SEMA4D: variants seen among roughly 807,000 people sequenced by gnomAD.
SEMA4D encodes semaphorin-4D.
A neutral mutation model predicts 74.8 loss-of-function variants in SEMA4D; 22 were observed. The observed-to-expected ratio is 0.29, with a 90% CI of 0.21 to 0.42. The LOEUF (loss-of-function observed/expected upper bound fraction) is 0.42, where lower values mean the gene tolerates loss of function less well. Ranked by LOEUF, SEMA4D falls within the 10% of genes least tolerant of loss-of-function variation. The pLI is 1.00. For missense variants in SEMA4D, 937 were observed against 1,118.4 expected (o/e 0.84, Z 2.31); for synonymous variants, 445 against 463.7 (o/e 0.96, Z 0.52).
chr9:89,386,558 T>C, intron 12 of SEMA4D, 76 bp from the exon 13 acceptor site: 1 of 816,812 alleles, frequency 1.2e-6, no homozygotes. Flanking sequence ...AGCGGCAAAC[T>C]TCACACTCTT....
Position 89,381,411 on chromosome 9 carries a change from C to T in SEMA4D, c.1447-65G>A, listed in dbSNP as rs1170412968. On this transcript the variant is annotated intron_variant, in intron 13 of 15. Transcript: ENST00000422704. The surrounding 1 kb of genome is among the most constrained non-coding windows in gnomAD (Gnocchi z 4.6). Reference sequence around the variant, plus strand: ...CAGGCATCCAGGAGCATGGCCTCTGCTTCTGCACCAGTGTGTGGGAAGCAG... The same window carrying T: ...CAGGCATCCAGGAGCATGGCCTCTGTTTCTGCACCAGTGTGTGGGAAGCAG... 2.1e-5 allele frequency: 30 copies of T among 1,404,458 alleles called. No individual in the cohort carries two copies. The Middle Eastern group carries it at 1.6e-3, about 73-fold the overall frequency. The allele number at this position is 1,404,458 out of a possible 1,614,324, so 87.0% of individuals were successfully genotyped here.
chr9:89,404,134 A>G (rs1842773454), intron 3 of SEMA4D, among the ~76,000 whole-genome samples: 1 of 152,270 alleles, frequency 6.6e-6, no homozygotes, highest in East Asian at 1.9e-4. Context: ...CCGGGTCCCC[A>G]GACACATCCT....
chr9:89,396,836 C>A lies in SEMA4D; in HGVS notation c.316-1G>T. ...CCCGGATGTAGTTGAGGCACTCTGT[C>A]TGCAGGGAAGAGAAATGCACCATTA... On this transcript the variant is annotated splice_acceptor_variant, in intron 5 of 15. Transcript: ENST00000422704. LOFTEE classifies it high-confidence loss of function. 6.2e-7 allele frequency: 1 copy of A among 1,612,734 alleles called. No individual in the cohort carries two copies. The highest frequency in any genetic ancestry group is 8.5e-7 in the Non-Finnish European group (1 of 1,179,280).
Position 89,379,216 on chromosome 9 carries a change from CGGA to C in SEMA4D, c.2074_2076del (p.Ser692del). On this transcript the variant is annotated inframe_deletion, in exon 16 of 16. Coordinates refer to ENST00000422704, the MANE Select transcript of SEMA4D (RefSeq NM_001371194.2). ...GGCTTGGGAGGAAGGGTGATGGCCC[CGGA>C]GGAGGTGGCCTGCACGGCTGGGGTT... 6.2e-7 allele frequency: 1 copy of C among 1,613,902 alleles called. No individual in the cohort carries two copies. Among genetic ancestry groups the C allele is most frequent in the Non-Finnish European group, 8.5e-7 (1 of 1,179,904 alleles).
intron 6 of SEMA4D, among the ~76,000 whole-genome samples, chr9:89,396,434 C>T (rs1245602169): frequency 3.9e-5 from 6 of 152,206 alleles, no homozygotes; most frequent in East Asian, 1.9e-4. Flanking sequence ...CTTTCCAGCA[C>T]GCCCCTCCAT....
At position 89,449,670 on chromosome 9, in the gene SEMA4D, G is replaced by A. The variant is rs567521303; in HGVS notation, c.-244+6218C>T. On this transcript the variant is annotated intron_variant, in intron 2 of 15. Coordinates refer to ENST00000422704, the MANE Select transcript of SEMA4D (RefSeq NM_001371194.2). ...TGGGGTACTTCGGTCCTTGGTGGAC[G>A]CATCTAGCTCAGGTGTGTCAGTACT... 1.6e-5 allele frequency: 24 copies of A among 1,502,256 alleles called. No homozygotes were observed. In the African/African-American group the frequency reaches 2.3e-4, roughly 15 times the overall value. The allele number at this position is 1,502,256 out of a possible 1,614,324, so 93.1% of individuals were successfully genotyped here. A position where few individuals can be genotyped will look rare whatever the true frequency, so the allele number is the denominator to read the frequency against.
At chr9:89,374,595 C>A (rs968726699), downstream of SEMA4D, among the ~76,000 whole-genome samples, 1 of 152,196 alleles carries the variant, frequency 6.6e-6, no homozygotes, top group African/African-American at 2.4e-5. Flanking sequence ...TAACCAATTC[C>A]CTGTGTTAAA....
intron 2 of SEMA4D, among the ~76,000 whole-genome samples, chr9:89,433,637 G>A (rs73486168): frequency 0.014 from 2,119 of 152,298 alleles, 36 homozygotes; most frequent in African/African-American, 0.047. Flanking sequence ...GCATGTAGCC[G>A]AGCATGGGCT....
At chr9:89,446,556 C>T (rs953709075) in intron 2 of SEMA4D, among the ~76,000 whole-genome samples, 7 of 152,230 alleles carry the variant, frequency 4.6e-5, no homozygotes, top group Non-Finnish European at 7.3e-5. Flanking sequence ...ATAAGCACCA[C>T]GGGGCCTCTC....
intron 1 of SEMA4D, among the ~76,000 whole-genome samples, chr9:89,491,547 C>T (rs974284144): frequency 2.6e-5 from 4 of 151,844 alleles, no homozygotes; most frequent in Admixed American, 6.6e-5. Flanking sequence ...GCCAGCCTGG[C>T]GACAGAGCAA....
At chr9:89,416,383 A>C (rs1319811338) in intron 2 of SEMA4D, among the ~76,000 whole-genome samples, 1 of 152,216 alleles carries the variant, frequency 6.6e-6, no homozygotes, top group Non-Finnish European at 1.5e-5. Flanking sequence ...AAGGAAGACA[A>C]CACCATTACA....
chr9:89,461,100 G>C (rs551401574), intron 1 of SEMA4D, among the ~76,000 whole-genome samples: 1 of 151,962 alleles, frequency 6.6e-6, no homozygotes, highest in African/African-American at 2.4e-5. Flanking sequence ...CTGAACACAC[G>C]AAAGAAAATG....
At chr9:89,383,958 C>T (rs573810421) in intron 13 of SEMA4D, among the ~76,000 whole-genome samples, 13 of 152,178 alleles carry the variant, frequency 8.5e-5, no homozygotes, top group East Asian at 3.9e-4. Context: ...GCTGTGTGTG[C>T]GCGTCAGACC....
intron 1 of SEMA4D, among the ~76,000 whole-genome samples, chr9:89,458,023 A>T (rs532784257): frequency 5.1e-4 from 77 of 152,332 alleles, no homozygotes; most frequent in African/African-American, 1.8e-3. Flanking sequence ...ATAGAGCGAG[A>T]CTGGGTCTCA....
intron 1 of SEMA4D, among the ~76,000 whole-genome samples, chr9:89,474,968 G>A (rs1157936093): frequency 1.3e-5 from 2 of 152,256 alleles, no homozygotes; most frequent in African/African-American, 4.8e-5. Context: ...AGAACCTGAG[G>A]AGGGTGCCTG....
intron 3 of SEMA4D, among the ~76,000 whole-genome samples, chr9:89,403,572 C>G (rs1023344924): frequency 1.1e-4 from 17 of 152,218 alleles, no homozygotes; most frequent in African/African-American, 3.9e-4. Flanking sequence ...GACAGAGAAA[C>G]AAGTGACGTC....
rs749167980 is a variant in SEMA4D at position 89,387,496 on chromosome 9, A to G, written c.1220T>C (p.Ile407Thr). 2.5e-6 allele frequency: 4 copies of G among 1,614,142 alleles called. No homozygotes were observed. In the Admixed American group the frequency reaches 5.0e-5, roughly 20 times the overall value. ...CTTGATTAACCTGGGCCTGTTGTCTATTGGGGTTACCGAGTCATCCATCAA... is the reference window on the plus strand; with the variant it reads ...CTTGATTAACCTGGGCCTGTTGTCTGTTGGGGTTACCGAGTCATCCATCAA... The part of the protein sequence containing the change: ...HPLMDDSVTP[I>T]DNRPRLIKKD... Residue 407 changes from isoleucine (I) to threonine (T), a missense_variant, in exon 12 of 16, where the codon ATA becomes ACA. Transcript: ENST00000422704.
chr9:89,414,118 C>T (rs1845162219), intron 2 of SEMA4D, among the ~76,000 whole-genome samples: 1 of 152,216 alleles, frequency 6.6e-6, no homozygotes, highest in African/African-American at 2.4e-5. Context: ...ACAGAGGGGA[C>T]ACCAGTCACT....
intron 1 of SEMA4D, among the ~76,000 whole-genome samples, chr9:89,466,598 G>T (rs1564895203): frequency 6.6e-6 from 1 of 151,692 alleles, no homozygotes; most frequent in African/African-American, 2.4e-5. Flanking sequence ...GTGTGCACAA[G>T]GTCATGCTCC....
Sources: gnomAD v4.1 joint callset for allele counts (sites outside exome capture counted in the v4.1 genomes callset) on GRCh38, gnomAD v4.1.1 for gene constraint, Gnocchi (gnomAD v3.1) non-coding constraint, MANE v1.5 for transcripts, NCBI Gene and HGNC (gene_info 2026-07-23, HGNC 2026-07-21) for gene names.